The following FAAH2 variants were observed in gnomAD, a reference collection of about 807,000 sequenced individuals.
The protein encoded by FAAH2 is fatty acid amide hydrolase 2, also known as fatty-acid amide hydrolase 2.
FAAH2 carries 60 observed loss-of-function variants against 36.9 expected under a neutral mutation model. That is an observed-to-expected ratio of 1.63 (90% CI 1.32 to 2.02). FAAH2 has a LOEUF of 2.02. Among genes scored for constraint, FAAH2 ranks in the 30% most tolerant of loss-of-function variants. FAAH2 has a pLI of 0.00. For synonymous variants in FAAH2, 214 were observed against 143.8 expected (o/e 1.49, Z -3.49); for missense variants, 689 against 397.5 (o/e 1.73, Z -6.23).
chrX:57,471,428 C>T (rs2057163550), intron 10 of FAAH2, among the ~76,000 whole-genome samples: 3 of 111,903 alleles, frequency 2.7e-5, no homozygotes, highest in Non-Finnish European at 3.8e-5. Flanking sequence ...GTGCAAAAAT[C>T]ACAATCATTC....
intron 5 of FAAH2, among the ~76,000 whole-genome samples, chrX:57,376,544 C>T (rs1348852124): frequency 9.0e-6 from 1 of 111,665 alleles, no homozygotes; most frequent in Admixed American, 9.6e-5. Context: ...TTTCTTTATC[C>T]AGTCTGTCAT....
At chrX:57,187,203 AT>A in the FAAH2 span, among the ~76,000 whole-genome samples, 23 of 110,887 alleles carry the variant, frequency 2.1e-4, no homozygotes, top group Admixed American at 7.7e-4. Flanking sequence ...ATGAACATCA[AT>A]TTTTTTTCCA....
intron 2 of FAAH2, among the ~76,000 whole-genome samples, chrX:57,296,724 G>T (rs1043364602): frequency 9.0e-6 from 1 of 111,210 alleles, no homozygotes; most frequent in Non-Finnish European, 1.9e-5. Context: ...TAGATGAATG[G>T]CTAACTACAA....
At chrX:57,133,913 A>AACCT in the FAAH2 span, among the ~76,000 whole-genome samples, 2 of 111,050 alleles carry the variant, frequency 1.8e-5, no homozygotes, top group Non-Finnish European at 3.8e-5. Flanking sequence ...AATAAACTCT[A>AACCT]TTTACCACCT....
chrX:57,126,833 C>A, the FAAH2 span: 1 of 111,629 alleles, frequency 9.0e-6, no homozygotes, highest in Non-Finnish European at 1.9e-5. Context: ...AAAAAAAAAT[C>A]TTTACTCTTA....
intron 4 of FAAH2, among the ~76,000 whole-genome samples, chrX:57,334,680 G>A (rs1395197890): frequency 2.7e-5 from 3 of 111,520 alleles, no homozygotes; most frequent in African/African-American, 9.8e-5. Context: ...TTGTTATATG[G>A]GATGGGATAA....
the FAAH2 span, among the ~76,000 whole-genome samples, chrX:57,219,184 C>T: frequency 8.9e-6 from 1 of 111,984 alleles, no homozygotes; most frequent in East Asian, 2.8e-4. Flanking sequence ...AAACATTTGT[C>T]CCATCCTCAC....
intron 8 of FAAH2, among the ~76,000 whole-genome samples, chrX:57,445,214 T>C (rs2056650183): frequency 8.9e-6 from 1 of 111,782 alleles, no homozygotes; most frequent in African/African-American, 3.3e-5. Flanking sequence ...AGGTGGCGTC[T>C]TAAGCTGAGG....
chrX:57,137,071 A>G, the FAAH2 span: 575 of 799,167 alleles, frequency 7.2e-4, no homozygotes, highest in Non-Finnish European at 7.9e-4. Flanking sequence ...TCTGGCTCCT[A>G]TTCCTACCCC....
the FAAH2 span, among the ~76,000 whole-genome samples, chrX:57,198,195 G>A: frequency 9.0e-6 from 1 of 111,516 alleles, no homozygotes; most frequent in Non-Finnish European, 1.9e-5. Context: ...ATCATCATGT[G>A]GGGGCATGGT....
chrX:57,277,522 A>T, the FAAH2 span, among the ~76,000 whole-genome samples: 76 of 112,179 alleles, frequency 6.8e-4, no homozygotes, highest in East Asian at 0.013. Flanking sequence ...CAATACAAGG[A>T]TGCCCTCTCT....
chrX:57,137,237 C>T, the FAAH2 span: 1 of 761,144 alleles, frequency 1.3e-6, no homozygotes, highest in Non-Finnish European at 1.6e-6. Context: ...GGATCGCGGG[C>T]CTCACGTGCC....
chrX:57,435,564 G>A (rs1053109192), intron 8 of FAAH2, among the ~76,000 whole-genome samples: 1 of 109,692 alleles, frequency 9.1e-6, no homozygotes, highest in African/African-American at 3.3e-5. Context: ...ACTAGATATA[G>A]CAGATATTAA....
the FAAH2 span, among the ~76,000 whole-genome samples, chrX:57,227,036 T>C: frequency 1.1e-4 from 12 of 111,501 alleles, no homozygotes; most frequent in African/African-American, 3.3e-4. Context: ...TCTATTTCAT[T>C]GGATATTTCT....
chrX:57,131,955 A>G, the FAAH2 span, among the ~76,000 whole-genome samples: 3 of 112,060 alleles, frequency 2.7e-5, no homozygotes, highest in African/African-American at 6.5e-5. Flanking sequence ...AGACTGATCA[A>G]TTGTGTGAGT....
At chrX:57,324,201 T>C (rs1325740112) in intron 3 of FAAH2, among the ~76,000 whole-genome samples, 1 of 111,867 alleles carries the variant, frequency 8.9e-6, no homozygotes, top group Non-Finnish European at 1.9e-5. Flanking sequence ...TTGGTCTATA[T>C]CTCTGTTTTG....
At chrX:57,272,990 A>G in the FAAH2 span, among the ~76,000 whole-genome samples, 3 of 111,937 alleles carry the variant, frequency 2.7e-5, no homozygotes, top group African/African-American at 9.7e-5. Flanking sequence ...AAGTCAAGAC[A>G]CCTCAGTGTG....
At chrX:57,397,919 G>C (rs1254983543) in intron 7 of FAAH2, among the ~76,000 whole-genome samples, 2 of 94,124 alleles carry the variant, frequency 2.1e-5, no homozygotes, top group Non-Finnish European at 4.1e-5. Flanking sequence ...TGTTCTCATT[G>C]TTCAATTCCC....
At chrX:57,323,190 T>A (rs955945253) in intron 3 of FAAH2, among the ~76,000 whole-genome samples, 2 of 111,891 alleles carry the variant, frequency 1.8e-5, no homozygotes, top group Non-Finnish European at 3.8e-5. Flanking sequence ...CACATACTAT[T>A]CCATGGTGTA....
Sources: allele counts gnomAD v4.1 joint callset (sites outside exome capture counted in the v4.1 genomes callset), GRCh38; gene constraint gnomAD v4.1.1; transcripts MANE v1.5; gene names NCBI Gene and HGNC (gene_info 2026-07-23, HGNC 2026-07-21).